Variants in MAP4K2 observed in about 807,000 individuals in gnomAD.
MAP4K2 encodes B lymphocyte serine/threonine protein kinase.
In MAP4K2, 85 loss-of-function variants were observed where a neutral mutation model predicts 125.3. That is an observed-to-expected ratio of 0.68 (90% CI 0.57 to 0.81). MAP4K2 has a LOEUF of 0.81. Ranked by LOEUF, MAP4K2 falls within the 40% of genes least tolerant of loss-of-function variation. MAP4K2 has a pLI of 0.00. For missense variants in MAP4K2, 923 were observed against 1,056.4 expected, an observed-to-expected ratio of 0.87 and a Z score of 1.75; for synonymous variants, 479 against 445.1, an observed-to-expected ratio of 1.08 and a Z score of -0.96.
chr11:64,796,491 A>C lies in MAP4K2; in HGVS notation c.1633+2T>G, dbSNP rs1384878853. On this transcript the variant is annotated splice_donor_variant, in intron 23 of 31. Transcript: ENST00000294066. LOFTEE classifies it high-confidence loss of function. The stretch of plus-strand genomic sequence containing the variant: ...TGCCTCCCTGCCCATCCCACCTTGT[A>C]CCTGAGAGTGACAGCAGCACGTTGT... The C allele has an allele frequency of 6.2e-7, 1 of 1,613,800 alleles. No individual in the cohort carries two copies. Among genetic ancestry groups the C allele is most frequent in the Non-Finnish European group, 8.5e-7 (1 of 1,180,030 alleles).
At chr11:64,796,598 C>A in intron 22 of MAP4K2, 36 bp downstream of exon 22, 1 of 1,614,012 alleles carries the variant, frequency 6.2e-7, no homozygotes, top group South Asian at 1.1e-5. Flanking sequence ...CAGGCCCCCA[C>A]AAGGCCTCTG....
chr11:64,792,308 G>T, intron 25 of MAP4K2, 33 bp from the exon 26 acceptor site: 2 of 1,590,406 alleles, frequency 1.3e-6, no homozygotes, highest in Middle Eastern at 3.4e-4. Flanking sequence ...GCACCGGGCT[G>T]GGCCTGCGCT....
chr11:64,801,805 A>C (rs1592610161), intron 5 of MAP4K2, 48 bp from the exon 6 acceptor site: 3 of 1,595,624 alleles, frequency 1.9e-6, no homozygotes, highest in Non-Finnish European at 2.6e-6. Flanking sequence ...GCACTGTCCC[A>C]CCTCCCCAAA....
chr11:64,797,009 G>A lies in MAP4K2; in HGVS notation c.1380C>T (p.His460=), dbSNP rs763743342. 21 of 1,613,842 alleles carry A rather than the reference G, an allele frequency of 1.3e-5. No homozygotes were observed. Among genetic ancestry groups the A allele is most frequent in the Middle Eastern group, 1.6e-4 (1 of 6,082 alleles). Residue 460 remains histidine (H), a synonymous_variant, in exon 20 of 32, where the codon CAC becomes CAT. Transcript: ENST00000294066. Reference sequence around the variant, plus strand: ...GCACCTTGGGAGTTGGGGGGAGCCCGTGGCAGGATGACCTCTGGGAGGGAG... The same window carrying A: ...GCACCTTGGGAGTTGGGGGGAGCCCATGGCAGGATGACCTCTGGGAGGGAG... The part of the protein sequence containing the change: ...QREDPERSSC[H]GLPPTPKVHM...
At chr11:64,796,227 C>T in intron 24 of MAP4K2, 46 bp downstream of exon 24, 1 of 1,489,632 alleles carries the variant, frequency 6.7e-7, no homozygotes, top group Non-Finnish European at 9.0e-7. Flanking sequence ...TCCAGCCCCT[C>T]CCTGCCCCTC....
intron 14 of MAP4K2, 65 bp from the exon 15 acceptor site, chr11:64,798,902 A>G (rs991929837): frequency 1.7e-5 from 23 of 1,376,174 alleles, no homozygotes; most frequent in Non-Finnish European, 2.3e-5. Flanking sequence ...GAGGGCGCTC[A>G]AGAGATTCAG....
rs138744530 is a variant in MAP4K2 at position 64,802,586 on chromosome 11, C to T, written c.222G>A (p.Val74=). 4.2e-5 allele frequency: 67 copies of T among 1,611,060 alleles called. 1 individual carries two copies. The African/African-American group carries it at 7.7e-4, about 19-fold the overall frequency. Residue 74 remains valine, a synonymous_variant, in exon 3 of 32, where the codon GTG becomes GTA. Coordinates refer to ENST00000294066, the MANE Select transcript of MAP4K2 (RefSeq NM_004579.5). ...ILRECRHPNV[V]AYIGSYLRND... ...ACCTGAGGTAGCTGCCAATGTAGGC[C>T]ACCACATTGGGGTGGCGGCACTCAC...
intron 2 of MAP4K2, 107 bp downstream of exon 2, chr11:64,802,778 G>A (rs1347962500): frequency 2.7e-6 from 4 of 1,468,988 alleles, no homozygotes; most frequent in Non-Finnish European, 3.7e-6. Flanking sequence ...AGCACCTCCC[G>A]GGGCACGCCT....
chr11:64,801,673 C>A, intron 6 of MAP4K2, 37 bp downstream of exon 6: 1 of 1,613,836 alleles, frequency 6.2e-7, no homozygotes, highest in Non-Finnish European at 8.5e-7. Context: ...AGGGCCTCCT[C>A]CTCCCTCCCC....
chr11:64,799,351 G>A, intron 14 of MAP4K2, 70 bp downstream of exon 14: 1 of 1,573,202 alleles, frequency 6.4e-7, no homozygotes, highest in Non-Finnish European at 8.7e-7. Flanking sequence ...GATTTGAGCT[G>A]CTCGGCCTCC....
Position 64,796,283 on chromosome 11 carries a change from TGCGCTGGGTGA to T in MAP4K2, c.1730_1740del (p.Leu577HisfsTer14). 1 of 1,529,626 alleles carries T rather than the reference TGCGCTGGGTGA, an allele frequency of 6.5e-7. No individual in the cohort carries two copies. Among genetic ancestry groups the T allele is most frequent in the Non-Finnish European group, 8.8e-7 (1 of 1,139,450 alleles). The allele number at this position is 1,529,626 out of a possible 1,614,324, so 94.8% of individuals were successfully genotyped here. ...CCCAAGATCCCTGACCTGGGGATGA[TGCGCTGGGTGA>T]GGCGGTTGGTGGGGATGGAGAGGGG... On this transcript the variant is annotated frameshift_variant, in exon 24 of 32. Coordinates refer to ENST00000294066, the MANE Select transcript of MAP4K2 (RefSeq NM_004579.5). LOFTEE classifies it high-confidence loss of function.
chr11:64,800,683 C>T (rs1941108348), intron 10 of MAP4K2, 81 bp downstream of exon 10: 2 of 1,531,620 alleles, frequency 1.3e-6, no homozygotes, highest in Admixed American at 2.0e-5. Context: ...TTGGGGTTGC[C>T]CCCCGGGAGT....
chr11:64,799,759 C>T (rs1941049717), intron 12 of MAP4K2, 76 bp from the exon 13 acceptor site: 4 of 1,223,288 alleles, frequency 3.3e-6, no homozygotes, highest in Non-Finnish European at 4.8e-6. Context: ...GCTTCACACG[C>T]ACCAGTGCGT....
chr11:64,794,436 T>C (rs533447), intron 24 of MAP4K2, among the ~76,000 whole-genome samples: 114,366 of 151,446 alleles, frequency 0.76, 45,342 homozygotes, highest in Non-Finnish European at 0.9. Context: ...CTCGGCTCAT[T>C]GCAACCTCCG....
Position 64,790,199 on chromosome 11 carries a change from A to C in MAP4K2, c.2237T>G (p.Ile746Ser), listed in dbSNP as rs1940392841. The C allele has an allele frequency of 6.2e-7, 1 of 1,614,022 alleles. No homozygotes were observed. The highest frequency in any genetic ancestry group is 1.7e-5 in the Admixed American group (1 of 59,992). The part of the protein sequence containing the change: ...LAPELTFDFP[I>S]ETVVCLQDSV... ...TCTGGCTCACTCACCCACAGTCTCG[A>C]TGGGGAAATCAAAGGTCAGCTCAGG... The change falls in exon 29 of 32, where the codon ATC becomes AGC. Residue 746 changes from isoleucine (I) to serine (S), a missense_variant. By Grantham distance (142) the Ile-to-Ser change is moderately radical (BLOSUM62 -2). This residue lies in a region of MAP4K2 where 90 missense variants were observed against 144.9 expected (regional missense o/e 0.62). Transcript: ENST00000294066.
At chr11:64,797,882 T>C (rs1367297431) in intron 15 of MAP4K2, among the ~76,000 whole-genome samples, 1 of 151,374 alleles carries the variant, frequency 6.6e-6, no homozygotes, top group East Asian at 1.9e-4. Context: ...ATTTTTTGTA[T>C]TTTTAGTACA....
chr11:64,801,476 A>G, intron 7 of MAP4K2, 103 bp downstream of exon 7: 5 of 1,322,064 alleles, frequency 3.8e-6, no homozygotes, highest in Non-Finnish European at 5.3e-6. Flanking sequence ...ACTGAGACTC[A>G]AGTGGCAAAG....
At position 64,796,852 on chromosome 11, in the gene MAP4K2, C is replaced by T; in HGVS notation, c.1449G>A (p.Leu483=). ...CFSKVFNGCP[L]RIHAAVTWIH... is the part of the protein sequence containing the mutation. The stretch of plus-strand genomic sequence containing the variant: ...TCCAGGTGACAGCAGCGTGGATCCG[C>T]AGGGGGCAGCCATTGAAGACCTTGG... Residue 483 remains leucine (L), a synonymous_variant, in exon 21 of 32, where the codon CTG becomes CTA. Transcript: ENST00000294066. 6.2e-7 allele frequency: 1 copy of T among 1,613,852 alleles called. No homozygotes were observed. The highest frequency in any genetic ancestry group is 8.5e-7 in the Non-Finnish European group (1 of 1,180,036).
chr11:64,790,072 G>A, intron 29 of MAP4K2, 113 bp from the exon 30 acceptor site: 1 of 1,527,546 alleles, frequency 6.5e-7, no homozygotes, highest in East Asian at 2.3e-5. Context: ...GACCAGGATG[G>A]CTCAGGAGAG....
Sources: gnomAD v4.1 joint callset for allele counts (sites outside exome capture counted in the v4.1 genomes callset) on GRCh38, gnomAD v4.1.1 for gene constraint, gnomAD v4.1.1 regional missense constraint, MANE v1.5 for transcripts, NCBI Gene and HGNC (gene_info 2026-07-23, HGNC 2026-07-21) for gene names.